The following ZNF827 variants were observed in gnomAD, a reference collection of about 807,000 sequenced individuals.
The protein encoded by ZNF827 is zinc finger protein 827.
Under a neutral mutation model 102.4 loss-of-function variants are expected in ZNF827, and 13 were observed. That is an observed-to-expected ratio of 0.13 (90% CI 0.08 to 0.20). The LOEUF is 0.20. ZNF827 is among the 10% of genes least tolerant of loss of function. The pLI, the probability that ZNF827 is intolerant of heterozygous loss-of-function variation, is 1.00. For missense variants in ZNF827, 1,103 were observed against 1,344.4 expected, an observed-to-expected ratio of 0.82 and a Z score of 2.81; for synonymous variants, 523 against 536.2, an observed-to-expected ratio of 0.98 and a Z score of 0.34.
chr4:145,938,052 C>A (rs947667896), intron 1 of ZNF827, among the ~76,000 whole-genome samples: 2 of 150,932 alleles, frequency 1.3e-5, no homozygotes, highest in Non-Finnish European at 3.0e-5. Context: ...GCCCCCTCCC[C>A]CCAGCAACCC....
chr4:145,854,000 A>T (rs1746807446), intron 5 of ZNF827, among the ~76,000 whole-genome samples: 1 of 152,106 alleles, frequency 6.6e-6, no homozygotes, highest in Non-Finnish European at 1.5e-5. Context: ...AACAAATGTG[A>T]GAGAAATTAT....
intron 8 of ZNF827, among the ~76,000 whole-genome samples, chr4:145,819,390 T>A (rs547935085): frequency 1.3e-5 from 2 of 152,292 alleles, no homozygotes; most frequent in East Asian, 3.9e-4. Context: ...AAAGCAGTAC[T>A]GGGATATAAA....
At chr4:145,820,277 T>C (rs569192950) in intron 8 of ZNF827, among the ~76,000 whole-genome samples, 8 of 152,368 alleles carry the variant, frequency 5.3e-5, no homozygotes, top group South Asian at 4.1e-4. Context: ...GTATATATTG[T>C]TGAAATAATG....
intron 8 of ZNF827, among the ~76,000 whole-genome samples, chr4:145,819,290 G>A (rs1742910164): frequency 6.6e-6 from 1 of 152,072 alleles, no homozygotes; most frequent in Admixed American, 6.6e-5. Context: ...CACCCGCCCT[G>A]GTTGTGTTTT....
rs974897787 is a variant in ZNF827, at chr4:145,867,310, A to G, written c.1981+2935T>C. Among the ~76,000 whole-genome samples the G allele has an allele frequency of 2.6e-5, 4 of 152,304 alleles. No individual in the cohort carries two copies. The East Asian group carries it at 5.8e-4, about 22-fold the overall frequency. ...GCACACTTAATGAAAAATTGAGCCT[A>G]CTCTAGCTCATCTGCGTTTTTCCCA... On this transcript the variant is annotated intron_variant, in intron 5 of 14. Coordinates refer to ENST00000508784, the MANE Select transcript of ZNF827 (RefSeq NM_001306215.2).
At chr4:145,794,594 G>A (rs1287355529) in intron 8 of ZNF827, among the ~76,000 whole-genome samples, 2 of 152,060 alleles carry the variant, frequency 1.3e-5, no homozygotes, top group South Asian at 4.2e-4. Flanking sequence ...AGCTGAGGCT[G>A]GGCGGGGTGG....
At chr4:145,771,080 C>T (rs1164604195) in intron 11 of ZNF827, 1 of 152,158 alleles carries the variant, frequency 6.6e-6, no homozygotes, top group African/African-American at 2.4e-5. Flanking sequence ...CTGCTCATGT[C>T]CTCATATCCT....
chr4:145,826,998 C>T (rs1177967443), intron 7 of ZNF827, among the ~76,000 whole-genome samples: 1 of 152,138 alleles, frequency 6.6e-6, no homozygotes, highest in East Asian at 1.9e-4. Flanking sequence ...CCACCTGCCT[C>T]GGCCTCCCAA....
In ZNF827 at chr4:145,765,844, G is replaced by A; in HGVS notation, c.2861-106C>T. On this transcript the variant is annotated intron_variant, in intron 11 of 14. Transcript: ENST00000508784. This position sits in a 1 kb window ranked among gnomAD's most constrained non-coding sequence, Gnocchi z 4.7. ...TCTCATGGATGCATCATCATTCTGG[G>A]GGCACAGGCTCATGTCCCCAGCTCC... 1.7e-6 allele frequency: 2 copies of A among 1,180,366 alleles called. No homozygotes were observed. Among genetic ancestry groups the A allele is most frequent in the Non-Finnish European group, 2.4e-6 (2 of 850,342 alleles). The allele number at this position is 1,180,366 out of a possible 1,614,324, so 73.1% of individuals were successfully genotyped here. A position where few individuals can be genotyped will look rare whatever the true frequency, so the allele number is the denominator to read the frequency against.
intron 8 of ZNF827, among the ~76,000 whole-genome samples, chr4:145,805,640 A>T (rs1741346696): frequency 6.6e-6 from 1 of 152,180 alleles, no homozygotes; most frequent in African/African-American, 2.4e-5. Context: ...AGTTAAATGG[A>T]AGTAAGATCA....
intron 4 of ZNF827, among the ~76,000 whole-genome samples, chr4:145,880,229 G>A (rs1403138389): frequency 5.9e-5 from 9 of 152,106 alleles, no homozygotes; most frequent in Admixed American, 1.3e-4. Flanking sequence ...GCCAGACTCC[G>A]TCTAAAAAAA....
At position 145,938,577 on chromosome 4, in the gene ZNF827, G is replaced by A. The variant is rs1224952624; in HGVS notation, c.-170C>T. On this transcript the variant is annotated 5_prime_UTR_variant, in exon 1 of 15. Coordinates refer to ENST00000508784, the MANE Select transcript of ZNF827 (RefSeq NM_001306215.2). ...TGCAATGGGTTGAAGCTTGTTTCCTGGAGCCAGAAGAGGGGTTTTCTTCTT... is the reference window on the plus strand; with the variant it reads ...TGCAATGGGTTGAAGCTTGTTTCCTAGAGCCAGAAGAGGGGTTTTCTTCTT... 1.8e-6 allele frequency: 1 copy of A among 548,108 alleles called. No individual in the cohort carries two copies. Among genetic ancestry groups the A allele is most frequent in the Non-Finnish European group, 3.2e-6 (1 of 309,804 alleles). 34.0% of individuals were successfully genotyped at this position (548,108 alleles called of 1,614,324 possible).
At chr4:145,912,927 C>T (rs901240541) in intron 1 of ZNF827, among the ~76,000 whole-genome samples, 1 of 152,168 alleles carries the variant, frequency 6.6e-6, no homozygotes, top group African/African-American at 2.4e-5. Context: ...AGGCCTGAGG[C>T]ATTTTTCCTG....
intron 1 of ZNF827, among the ~76,000 whole-genome samples, chr4:145,921,791 C>T (rs1753087500): frequency 6.6e-6 from 1 of 152,204 alleles, no homozygotes; most frequent in African/African-American, 2.4e-5. Flanking sequence ...TTAGTCATCT[C>T]TTCTTTGCTA....
rs749518039 is a variant in ZNF827 at position 145,903,144 on chromosome 4, T to G, written c.115A>C (p.Thr39Pro). 6.2e-7 allele frequency: 1 copy of G among 1,614,122 alleles called. No homozygotes were observed. The highest frequency in any genetic ancestry group is 2.2e-5 in the East Asian group (1 of 44,876). ...TCCCCATAGGATGCTTCTGACGGAG[T>G]CTCTGAAGAGTTTCCATACCAGTGT... ...GEHWYGNSSE[T>P]PSEASYGEVQ... is the part of the protein sequence containing the mutation. Residue 39 changes from threonine (T) to proline (P), a missense_variant, in exon 2 of 15, where the codon ACT (threonine) becomes CCT (proline). By Grantham distance (38) the Thr-to-Pro change is conservative. This residue lies in a region of ZNF827 where 441 missense variants were observed against 458.6 expected (regional missense o/e 0.96). Transcript: ENST00000508784.
rs1457602363 is a variant in ZNF827, at chr4:145,934,334, A to T, written c.43+4031T>A. Among the ~76,000 whole-genome samples, 3 of 152,336 alleles carry T rather than the reference A, an allele frequency of 2.0e-5. No homozygotes were observed. The East Asian group carries it at 5.8e-4, about 29-fold the overall frequency. On this transcript the variant is annotated intron_variant, in intron 1 of 14. Transcript: ENST00000508784. ...TTTTCTGTATATGTATAAGGCCCAT[A>T]TAACAAAGCAAACACAGACACAAAC...
At chr4:145,779,329 G>A (rs1737602472) in intron 9 of ZNF827, 45 bp downstream of exon 9, 2 of 1,593,516 alleles carry the variant, frequency 1.3e-6, no homozygotes, top group East Asian at 4.5e-5. Context: ...AAAGAAGTTG[G>A]TGATGGAGCA....
chr4:145,766,685 C>T (rs972576395), intron 11 of ZNF827, among the ~76,000 whole-genome samples: 12 of 152,056 alleles, frequency 7.9e-5, no homozygotes, highest in African/African-American at 1.7e-4. Flanking sequence ...GATCAGAGCA[C>T]GGGGGTGAAG....
intron 3 of ZNF827, among the ~76,000 whole-genome samples, chr4:145,887,816 C>G (rs949992895): frequency 1.3e-5 from 2 of 152,182 alleles, no homozygotes; most frequent in Admixed American, 6.5e-5. Flanking sequence ...GGACCCTGAC[C>G]GGTGCTGCCA....
Sources: allele counts gnomAD v4.1 joint callset (sites outside exome capture counted in the v4.1 genomes callset), GRCh38; gene constraint gnomAD v4.1.1; regional missense constraint gnomAD v4.1.1; non-coding constraint Gnocchi (gnomAD v3.1); transcripts MANE v1.5; gene names NCBI Gene and HGNC (gene_info 2026-07-23, HGNC 2026-07-21).